The following AFAP1L2 variants were observed in gnomAD, a reference collection of about 807,000 sequenced individuals.
The protein encoded by AFAP1L2 is actin filament associated protein 1 like 2.
Under a neutral mutation model 99.3 loss-of-function variants are expected in AFAP1L2, and 46 were observed. The ratio of observed to expected loss-of-function variants is 0.46; its 90% confidence interval spans 0.37 to 0.59. AFAP1L2 has a LOEUF of 0.59. AFAP1L2 is among the 20% of genes least tolerant of loss of function. AFAP1L2 has a pLI of 0.00. For synonymous variants in AFAP1L2, 397 were observed against 419.1 expected, an observed-to-expected ratio of 0.95 and a Z score of 0.64; for missense variants, 959 against 1,034.9, an observed-to-expected ratio of 0.93 and a Z score of 1.01.
At chr10:114,346,447 C>G (rs1191905671) in intron 1 of AFAP1L2, among the ~76,000 whole-genome samples, 2 of 152,234 alleles carry the variant, frequency 1.3e-5, no homozygotes, top group African/African-American at 2.4e-5. Context: ...CTCCTCCAGA[C>G]ACACCCTTTC....
Position 114,404,457 on chromosome 10 carries a change from G to A in AFAP1L2, c.-2C>T. ...GCCCTCACCTTTGTACCGCTCCATC[G>A]GGGCCACGGAGTGCGCTCCTCGCGG... On this transcript the variant is annotated 5_prime_UTR_variant, in exon 1 of 19. Coordinates refer to ENST00000304129, the MANE Select transcript of AFAP1L2 (RefSeq NM_001001936.3). The A allele has an allele frequency of 1.3e-6, 2 of 1,540,202 alleles. No individual in the cohort carries two copies. The highest frequency in any genetic ancestry group is 1.4e-5 in the African/African-American group (1 of 72,324).
intron 1 of AFAP1L2, among the ~76,000 whole-genome samples, chr10:114,359,769 G>A (rs907629551): frequency 2.0e-5 from 3 of 152,136 alleles, no homozygotes; most frequent in Non-Finnish European, 4.4e-5. Flanking sequence ...TTAACTAAAG[G>A]TGCTGACGTG....
At chr10:114,404,255 C>G (rs1166922534) in intron 1 of AFAP1L2, among the ~76,000 whole-genome samples, 185 bp downstream of exon 1, 2 of 152,190 alleles carry the variant, frequency 1.3e-5, no homozygotes, top group Non-Finnish European at 2.9e-5. Context: ...GCAGCAGCCA[C>G]CTAGGAGCCC....
chr10:114,337,401 G>T (rs2048138916), intron 2 of AFAP1L2, among the ~76,000 whole-genome samples: 1 of 152,256 alleles, frequency 6.6e-6, no homozygotes, highest in South Asian at 2.1e-4. Context: ...CTACTCTGCA[G>T]TCTAAGGGGT....
At chr10:114,335,308 T>A (rs541739643) in intron 2 of AFAP1L2, among the ~76,000 whole-genome samples, 235 of 151,940 alleles carry the variant, frequency 1.5e-3, no homozygotes, top group Admixed American at 3.3e-3. Context: ...GATTTTTTTT[T>A]TTAAAAAAAG....
chr10:114,374,209 C>T (rs577522095), intron 1 of AFAP1L2, among the ~76,000 whole-genome samples: 17 of 152,220 alleles, frequency 1.1e-4, no homozygotes, highest in African/African-American at 3.6e-4. Context: ...TCCCAGGCAA[C>T]GCGACCCCAA....
intron 4 of AFAP1L2, chr10:114,325,948 G>A (rs1415942176): frequency 1.2e-5 from 16 of 1,289,248 alleles, no homozygotes; most frequent in Non-Finnish European, 1.6e-5. Flanking sequence ...TGGGCCTCCA[G>A]CTCCAGCCTC....
intron 5 of AFAP1L2, among the ~76,000 whole-genome samples, chr10:114,317,274 AAAC>A (rs1474090102): frequency 5.3e-5 from 8 of 152,242 alleles, no homozygotes; most frequent in Admixed American, 1.3e-4. Flanking sequence ...ATATTTCTAA[AAAC>A]AACATTTTAA....
chr10:114,331,881 GC>G lies in AFAP1L2; in HGVS notation c.236del (p.Gly79AlafsTer27). The G allele has an allele frequency of 7.5e-7, 1 of 1,333,710 alleles. No homozygotes were observed. Among genetic ancestry groups the G allele is most frequent in the Non-Finnish European group, 9.7e-7 (1 of 1,032,854 alleles). The allele number at this position is 1,333,710 out of a possible 1,614,324, so 82.6% of individuals were successfully genotyped here. A position where few individuals can be genotyped will look rare whatever the true frequency, so the allele number is the denominator to read the frequency against. ...ESQGKAPEEQGLLPNGEPSQH... is the reference protein window; with the variant it reads ...ESQGKAPEEQXLLPNGEPSQH... ...GGCTGGGCTCCCCATTGGGTAGCAG[GC>G]CCTGCTCCTCAGGCGCTGCGGGCAG... On this transcript the variant is annotated frameshift_variant, in exon 4 of 19. Transcript: ENST00000304129. LOFTEE classifies it high-confidence loss of function.
At position 114,317,847 on chromosome 10, in the gene AFAP1L2, G is replaced by A. The variant is rs563610313; in HGVS notation, c.407-2082C>T. Among the ~76,000 whole-genome samples the A allele has an allele frequency of 9.8e-5, 15 of 152,300 alleles. No homozygotes were observed. The South Asian group carries it at 1.7e-3, about 17-fold the overall frequency. On this transcript the variant is annotated intron_variant, in intron 5 of 18. Coordinates refer to ENST00000304129, the MANE Select transcript of AFAP1L2 (RefSeq NM_001001936.3). ...GGCACTCCAGCCTGCGCAACAGAGT[G>A]AGACAGTCTCAAAAAAAAGGGCGGG...
chr10:114,303,366 G>A (rs1024434863), intron 11 of AFAP1L2, among the ~76,000 whole-genome samples: 5 of 152,082 alleles, frequency 3.3e-5, no homozygotes, highest in African/African-American at 4.8e-5. Context: ...GGAGTGCAGC[G>A]GTGGGATCTT....
intron 4 of AFAP1L2, among the ~76,000 whole-genome samples, chr10:114,325,591 CTG>C (rs980057520): frequency 9.7e-4 from 147 of 152,098 alleles, no homozygotes; most frequent in African/African-American, 3.2e-3. Context: ...AAACCCGACA[CTG>C]TACTGGGCTG....
chr10:114,372,056 A>G (rs2054189856), intron 1 of AFAP1L2, among the ~76,000 whole-genome samples: 2 of 152,242 alleles, frequency 1.3e-5, no homozygotes, highest in South Asian at 4.1e-4. Flanking sequence ...GACAGCAACA[A>G]CAAAGGTTCT....
intron 1 of AFAP1L2, among the ~76,000 whole-genome samples, chr10:114,372,249 G>A (rs1192162741): frequency 6.6e-6 from 1 of 152,216 alleles, no homozygotes; most frequent in African/African-American, 2.4e-5. Flanking sequence ...TGCCCTGGGA[G>A]CCCCCACTTC....
chr10:114,365,427 A>C (rs893435338), intron 1 of AFAP1L2, among the ~76,000 whole-genome samples: 2 of 152,176 alleles, frequency 1.3e-5, no homozygotes, highest in Non-Finnish European at 2.9e-5. Context: ...GTTTCAAATA[A>C]TTTTTTTAAA....
intron 10 of AFAP1L2, among the ~76,000 whole-genome samples, chr10:114,307,090 A>G (rs569764341): frequency 1.2e-4 from 19 of 152,282 alleles, no homozygotes; most frequent in African/African-American, 4.3e-4. Context: ...CCACCCCAAG[A>G]TATTTCCCAA....
At chr10:114,398,053 A>G (rs113223702) in intron 1 of AFAP1L2, among the ~76,000 whole-genome samples, 16 of 152,318 alleles carry the variant, frequency 1.1e-4, no homozygotes, top group African/African-American at 2.6e-4. Flanking sequence ...AGTCCAATGC[A>G]ACGCGTCCAG....
intron 8 of AFAP1L2, 30 bp downstream of exon 8, chr10:114,310,324 A>G (rs954922212): frequency 6.3e-7 from 1 of 1,578,920 alleles, no homozygotes; most frequent in Non-Finnish European, 8.6e-7. Flanking sequence ...ATGGAAGGGG[A>G]CTCTCCCTCC....
chr10:114,287,281 C>A, the AFAP1L2 span, among the ~76,000 whole-genome samples: 1 of 151,936 alleles, frequency 6.6e-6, no homozygotes, highest in Non-Finnish European at 1.5e-5. Flanking sequence ...CCTGGGCTCA[C>A]GTGATCCTTC....
Sources: gnomAD v4.1 joint callset for allele counts (sites outside exome capture counted in the v4.1 genomes callset) on GRCh38, gnomAD v4.1.1 for gene constraint, MANE v1.5 for transcripts, NCBI Gene and HGNC (gene_info 2026-07-23, HGNC 2026-07-21) for gene names.